Variants in ATP9B observed in about 807,000 individuals in gnomAD.
The protein encoded by ATP9B is probable phospholipid-transporting ATPase IIB.
ATP9B carries 110 observed loss-of-function variants against 146.1 expected under a neutral mutation model. That is an observed-to-expected ratio of 0.75 (90% CI 0.65 to 0.88). The LOEUF is 0.88. Among genes scored for constraint, ATP9B ranks in the 40% least tolerant of loss-of-function variants. The probability of loss-of-function intolerance (pLI) is 0.00; values close to 1 mark genes in which losing one functional copy is unlikely to be tolerated. For missense variants in ATP9B, 1,499 were observed against 1,496.4 expected, an observed-to-expected ratio of 1.00 and a Z score of -0.03; for synonymous variants, 604 against 569.7, an observed-to-expected ratio of 1.06 and a Z score of -0.86.
intron 5 of ATP9B, among the ~76,000 whole-genome samples, chr18:79,129,496 C>T (rs1435432177): frequency 1.3e-5 from 2 of 152,116 alleles, no homozygotes; most frequent in African/African-American, 4.8e-5. Context: ...TTTGTTTCCT[C>T]CTCCCCCCTG....
intron 26 of ATP9B, among the ~76,000 whole-genome samples, chr18:79,369,824 C>T (rs901589009): frequency 1.5e-4 from 23 of 152,132 alleles, no homozygotes; most frequent in Non-Finnish European, 2.1e-4. Flanking sequence ...TTTGGCCGGG[C>T]GCAGTGGCTC....
At chr18:79,169,555 A>G (rs2147856272) in intron 7 of ATP9B, among the ~76,000 whole-genome samples, 1 of 152,324 alleles carries the variant, frequency 6.6e-6, no homozygotes, top group East Asian at 1.9e-4. Context: ...AAATCTTCAT[A>G]AAGTCTCCAT....
At chr18:79,176,995 A>G (rs559046181) in intron 8 of ATP9B, 88 bp downstream of exon 8, 2 of 1,042,116 alleles carry the variant, frequency 1.9e-6, no homozygotes, top group South Asian at 1.6e-5. Context: ...CAGCTAATTT[A>G]TTTAATGCAT....
At chr18:79,307,678 C>A (rs1194415125) in intron 15 of ATP9B, among the ~76,000 whole-genome samples, 1 of 152,096 alleles carries the variant, frequency 6.6e-6, no homozygotes, top group African/African-American at 2.4e-5. Context: ...GCATTTATTT[C>A]AAAAGAAAAT....
chr18:79,304,074 A>T (rs1279153953), intron 14 of ATP9B, among the ~76,000 whole-genome samples: 1 of 152,042 alleles, frequency 6.6e-6, no homozygotes, highest in Non-Finnish European at 1.5e-5. Flanking sequence ...AAATGTTCTC[A>T]TATTTTTAAA....
At chr18:79,071,424 C>T (rs1226496728) in intron 1 of ATP9B, among the ~76,000 whole-genome samples, 1 of 15,834 alleles carries the variant, frequency 6.3e-5, no homozygotes, top group Non-Finnish European at 1.5e-4. Flanking sequence ...GAGACAGGGT[C>T]TCACTCTGTT....
At chr18:79,372,518 A>G (rs2097077751) in intron 26 of ATP9B, 1 of 533,774 alleles carries the variant, frequency 1.9e-6, no homozygotes, top group Non-Finnish European at 3.6e-6. Context: ...CCCCTGGTTC[A>G]CTGAAATGTT....
chr18:79,348,147 G>C lies in ATP9B; in HGVS notation c.2854G>C (p.Val952Leu). The C allele has an allele frequency of 4.4e-6, 7 of 1,608,698 alleles. No individual in the cohort carries two copies. The South Asian group carries it at 6.6e-5, about 15-fold the overall frequency. ...CTCTCTCCAGGCTGTGTTTTCCTCA[G>C]TCTTCTACTTCGCATCCGTCCCTTT... ...ISTMQAVFSS[V>L]FYFASVPLYQ... Residue 952 changes from valine (V) to leucine (L), a missense_variant, in exon 25 of 30, where the codon GTC (valine) becomes CTC (leucine). Transcript: ENST00000426216.
intron 29 of ATP9B, 46 bp downstream of exon 29, chr18:79,375,472 A>C (rs2280058): frequency 1.3e-6 from 2 of 1,589,470 alleles, no homozygotes; most frequent in Non-Finnish European, 1.7e-6. Context: ...AATTTAGCCA[A>C]ACAATATTGA....
intron 15 of ATP9B, among the ~76,000 whole-genome samples, chr18:79,309,463 G>A (rs1231817290): frequency 1.6e-4 from 22 of 140,910 alleles, no homozygotes; most frequent in South Asian, 2.5e-4. Context: ...AGAAGGTCAG[G>A]GGTTGAGGAG....
chr18:79,368,128 G>T (rs951186245), intron 26 of ATP9B, among the ~76,000 whole-genome samples: 1 of 152,224 alleles, frequency 6.6e-6, no homozygotes, highest in East Asian at 1.9e-4. Flanking sequence ...GCTGGAGGGC[G>T]CCATGGGGCT....
At chr18:79,376,063 G>A (rs529813863) in intron 29 of ATP9B, 7 of 985,024 alleles carry the variant, frequency 7.1e-6, no homozygotes, top group East Asian at 1.1e-4. Flanking sequence ...TGGGTGGGCC[G>A]GGCTCAGAGC....
intron 5 of ATP9B, among the ~76,000 whole-genome samples, chr18:79,127,064 C>T (rs961032743): frequency 1.3e-5 from 2 of 152,110 alleles, no homozygotes; most frequent in African/African-American, 2.4e-5. Flanking sequence ...ATAGTAACCC[C>T]AAAGTCTGTT....
intron 7 of ATP9B, among the ~76,000 whole-genome samples, chr18:79,175,696 T>C (rs2095154828): frequency 6.6e-6 from 1 of 152,130 alleles, no homozygotes; most frequent in African/African-American, 2.4e-5. Context: ...CAGTTATACA[T>C]GCATATTATA....
chr18:79,090,567 GTCT>G, intron 1 of ATP9B, among the ~76,000 whole-genome samples: 1 of 152,264 alleles, frequency 6.6e-6, no homozygotes, highest in African/African-American at 2.4e-5. Context: ...TGATTTGTAT[GTCT>G]TCTTTTGAGA....
At chr18:79,130,604 A>T (rs1327279760) in intron 5 of ATP9B, among the ~76,000 whole-genome samples, 1 of 152,136 alleles carries the variant, frequency 6.6e-6, no homozygotes, top group East Asian at 1.9e-4. Context: ...TTCAGGAAGT[A>T]CAGCAAAGCA....
chr18:79,367,545 C>T (rs993831983), intron 26 of ATP9B, among the ~76,000 whole-genome samples: 2 of 151,328 alleles, frequency 1.3e-5, no homozygotes, highest in Non-Finnish European at 2.9e-5. Context: ...GATATCTTCA[C>T]CTCCACCATG....
In ATP9B at chr18:79,302,640, T is replaced by C. The variant is rs559166671; in HGVS notation, c.1412-964T>C. 1.5e-4 allele frequency among the ~76,000 whole-genome samples: 23 copies of C among 152,296 alleles called. No homozygotes were observed. The South Asian group carries it at 4.1e-3, about 27-fold the overall frequency. On this transcript the variant is annotated intron_variant, in intron 13 of 29. Coordinates refer to ENST00000426216, the MANE Select transcript of ATP9B (RefSeq NM_198531.5). Reference sequence around the variant, plus strand: ...TGTCACCTAATACATGGCCCAACTTTTCTGGCAGTCCTCCTAAGGGAGGAC... The same window carrying C: ...TGTCACCTAATACATGGCCCAACTTCTCTGGCAGTCCTCCTAAGGGAGGAC...
intron 1 of ATP9B, among the ~76,000 whole-genome samples, chr18:79,087,915 A>G (rs1027163864): frequency 2.6e-5 from 4 of 152,186 alleles, no homozygotes; most frequent in African/African-American, 9.6e-5. Context: ...TGTTTCCAGA[A>G]TTATAGTTAA....
Sources: allele counts gnomAD v4.1 joint callset (sites outside exome capture counted in the v4.1 genomes callset), GRCh38; gene constraint gnomAD v4.1.1; transcripts MANE v1.5; gene names NCBI Gene and HGNC (gene_info 2026-07-23, HGNC 2026-07-21).